MCTP2: variants seen among roughly 807,000 people sequenced by gnomAD.
The protein encoded by MCTP2 is multiple C2 and transmembrane domain-containing protein 2.
Under a neutral mutation model 111.6 loss-of-function variants are expected in MCTP2, and 132 were observed. The observed-to-expected ratio is 1.18, with a 90% confidence interval of 1.03 to 1.37. MCTP2 has a LOEUF of 1.37. Among genes scored for constraint, MCTP2 ranks in the 40% most tolerant of loss-of-function variants. The pLI, the probability that MCTP2 is intolerant of heterozygous loss-of-function variation, is 0.00. For synonymous variants in MCTP2, 395 were observed against 387.7 expected (o/e 1.02, Z -0.22); for missense variants, 1,183 against 1,067.9 (o/e 1.11, Z -1.50).
At chr15:94,364,161 A>G (rs1014380467) in intron 10 of MCTP2, among the ~76,000 whole-genome samples, 2 of 151,786 alleles carry the variant, frequency 1.3e-5, no homozygotes, top group African/African-American at 4.8e-5. Flanking sequence ...TGAAATCCAT[A>G]TGGCTGCCCG....
At chr15:94,356,939 GT>G (rs1285589775) in intron 9 of MCTP2, among the ~76,000 whole-genome samples, 6 of 151,914 alleles carry the variant, frequency 3.9e-5, no homozygotes, top group Non-Finnish European at 7.4e-5. Context: ...TCCCTAAAGC[GT>G]GATAATTAAT....
At chr15:94,254,013 T>A (rs1285298883) in intron 1 of MCTP2, among the ~76,000 whole-genome samples, 4 of 152,182 alleles carry the variant, frequency 2.6e-5, no homozygotes, top group Non-Finnish European at 5.9e-5. Flanking sequence ...TATGTGTACA[T>A]AGAGGATGAG....
intron 1 of MCTP2, among the ~76,000 whole-genome samples, chr15:94,243,309 A>G (rs117918296): frequency 7.7e-5 from 8 of 103,598 alleles, no homozygotes; most frequent in East Asian, 7.3e-4. Flanking sequence ...ATACATACAT[A>G]CGTATGCGTA....
chr15:94,294,718 T>C (rs2075178581), intron 1 of MCTP2, among the ~76,000 whole-genome samples: 1 of 152,106 alleles, frequency 6.6e-6, no homozygotes, highest in South Asian at 2.1e-4. Flanking sequence ...CTGATTCCCA[T>C]TCCCAGTCTC....
chr15:94,320,283 C>G (rs2076569736), intron 4 of MCTP2, among the ~76,000 whole-genome samples: 1 of 151,940 alleles, frequency 6.6e-6, no homozygotes, highest in Non-Finnish European at 1.5e-5. Context: ...GTTGGGACTA[C>G]AGGCACCCGC....
chr15:94,390,120 A>G (rs1304601767), intron 14 of MCTP2, among the ~76,000 whole-genome samples: 2 of 134,168 alleles, frequency 1.5e-5, no homozygotes, highest in Admixed American at 1.4e-4. Context: ...ATATGTATAT[A>G]TATATATATA....
At position 94,481,818 on chromosome 15, in the gene MCTP2, A is replaced by G. The variant is rs1188162767; in HGVS notation, c.*2784A>G. On this transcript the variant is annotated 3_prime_UTR_variant, in exon 23 of 23. Transcript: ENST00000357742. ...GAAATAAATACATGTTTAACAGGCC[A>G]GGTCGTAGAGATTATTTTTCTTTCT... is the stretch of plus-strand genomic sequence containing the variant. 6.6e-6 allele frequency: 1 copy of G among 152,276 alleles called. No individual in the cohort carries two copies. The highest frequency in any genetic ancestry group is 1.5e-5 in the Non-Finnish European group (1 of 68,066). The allele number at this position is 152,276 out of a possible 1,614,324, so 9.4% of individuals were successfully genotyped here. A position where few individuals can be genotyped will look rare whatever the true frequency, so the allele number is the denominator to read the frequency against.
chr15:94,336,259 C>T (rs2077354822), intron 4 of MCTP2, among the ~76,000 whole-genome samples: 1 of 152,180 alleles, frequency 6.6e-6, no homozygotes, highest in Admixed American at 6.5e-5. Context: ...TCTGATCCAC[C>T]CATGTTTCAA....
chr15:94,325,418 T>A (rs7176435), intron 4 of MCTP2, among the ~76,000 whole-genome samples: 61,901 of 152,058 alleles, frequency 0.41, 13,852 homozygotes, highest in East Asian at 0.61. Context: ...GGAACAGGAA[T>A]GACTTTGTGA....
intron 1 of MCTP2, among the ~76,000 whole-genome samples, chr15:94,245,752 G>A (rs2071940737): frequency 6.7e-6 from 1 of 149,284 alleles, no homozygotes; most frequent in African/African-American, 2.5e-5. Context: ...AGACAAAAGA[G>A]TACCTTTGAA....
At chr15:94,390,082 A>ACACG (rs1423674269) in intron 14 of MCTP2, among the ~76,000 whole-genome samples, 2 of 11,122 alleles carry the variant, frequency 1.8e-4, no homozygotes, top group Non-Finnish European at 5.3e-4. Flanking sequence ...ATATATATAT[A>ACACG]TATATATGTA....
intron 20 of MCTP2, among the ~76,000 whole-genome samples, chr15:94,463,305 T>C (rs927974542): frequency 6.6e-6 from 1 of 152,200 alleles, no homozygotes; most frequent in Non-Finnish European, 1.5e-5. Flanking sequence ...GTTTTCTGTA[T>C]AGAAGTCTGA....
intron 17 of MCTP2, among the ~76,000 whole-genome samples, chr15:94,412,572 G>GT (rs1378433247): frequency 2.6e-5 from 4 of 152,122 alleles, no homozygotes; most frequent in African/African-American, 9.7e-5. Context: ...TTTGGGAGGT[G>GT]TTTAAGTTTT....
intron 1 of MCTP2, among the ~76,000 whole-genome samples, chr15:94,293,903 A>T (rs987942987): frequency 3.3e-5 from 5 of 152,246 alleles, no homozygotes; most frequent in Non-Finnish European, 7.3e-5. Context: ...TCGTACACAA[A>T]AAACCTGTAC....
intron 17 of MCTP2, among the ~76,000 whole-genome samples, chr15:94,415,814 C>G (rs551895445): frequency 6.6e-6 from 1 of 152,154 alleles, no homozygotes; most frequent in Non-Finnish European, 1.5e-5. Context: ...AATCCTAACT[C>G]AATCTTGTGT....
intron 1 of MCTP2, among the ~76,000 whole-genome samples, chr15:94,269,956 A>AT (rs200860341): frequency 0.011 from 1,652 of 152,094 alleles, 27 homozygotes; most frequent in Admixed American, 0.014. Context: ...ATATTGTAAC[A>AT]TTTTTTTTCC....
intron 1 of MCTP2, among the ~76,000 whole-genome samples, chr15:94,282,443 C>T (rs1283937143): frequency 1.3e-5 from 2 of 152,134 alleles, no homozygotes; most frequent in Admixed American, 1.3e-4. Flanking sequence ...AGCTCCTGGG[C>T]CGTTTTACTG....
intron 4 of MCTP2, among the ~76,000 whole-genome samples, chr15:94,321,788 A>G (rs1261965275): frequency 6.6e-6 from 1 of 152,256 alleles, no homozygotes; most frequent in East Asian, 1.9e-4. Flanking sequence ...CTAGTGGCCT[A>G]CTGTTGACCA....
rs142912308 is a variant in MCTP2, at chr15:94,408,965, C to G, written c.2085+6946C>G. Among the ~76,000 whole-genome samples the G allele has an allele frequency of 1.6e-3, 249 of 152,296 alleles. 1 individual carries two copies. Among genetic ancestry groups the G allele is most frequent in the African/African-American group, 5.8e-3 (240 of 41,554 alleles). On this transcript the variant is annotated intron_variant, in intron 17 of 22. Transcript: ENST00000357742. ...TGAGCTTTCTGTTGGTGTGCACTTG[C>G]AAGCACATATTTTCTGCCTTCTCTG...
Sources: gnomAD v4.1 joint callset for allele counts (sites outside exome capture counted in the v4.1 genomes callset) on GRCh38, gnomAD v4.1.1 for gene constraint, MANE v1.5 for transcripts, NCBI Gene and HGNC (gene_info 2026-07-23, HGNC 2026-07-21) for gene names.